The following SNRPN variants were observed in gnomAD, a reference collection of about 807,000 sequenced individuals.
SNRPN encodes the protein small nuclear ribonucleoprotein polypeptide N.
A neutral mutation model predicts 25.2 loss-of-function variants in SNRPN; 7 were observed. That is an observed-to-expected ratio of 0.28 (90% CI 0.16 to 0.52). The LOEUF is 0.52. Among genes scored for constraint, SNRPN ranks in the 20% least tolerant of loss-of-function variants. The pLI, the probability that SNRPN is intolerant of heterozygous loss-of-function variation, is 0.96. For synonymous variants in SNRPN, 124 were observed against 110.6 expected (o/e 1.12, Z -0.76); for missense variants, 196 against 322.5 (o/e 0.61, Z 3.00).
At chr15:24,926,888 A>G (rs910469718) in intron 3 of SNRPN, among the ~76,000 whole-genome samples, 2 of 151,900 alleles carry the variant, frequency 1.3e-5, no homozygotes, top group African/African-American at 4.8e-5. Context: ...TTGCATGCCT[A>G]TCGTCCCAGC....
intron 1 of SNRPN, among the ~76,000 whole-genome samples, chr15:24,857,528 A>G (rs1385712140): frequency 6.6e-6 from 1 of 151,940 alleles, no homozygotes; most frequent in Non-Finnish European, 1.5e-5. Context: ...TACAGTCCTT[A>G]TTGATTTTCT....
In SNRPN at chr15:24,962,179, G is replaced by A. The variant is rs755265989; in HGVS notation, c.-325G>A. On this transcript the variant is annotated 5_prime_UTR_variant, in exon 2 of 10. Transcript: ENST00000390687. ...CCAGAGGTGGAAGTCCAAGTCAAAC[G>A]CAGAAGGACTGCCTCACTGAGCAAC... is the stretch of plus-strand genomic sequence containing the variant. 2.5e-6 allele frequency: 4 copies of A among 1,614,000 alleles called. No individual in the cohort carries two copies. Among genetic ancestry groups the A allele is most frequent in the Admixed American group, 1.7e-5 (1 of 59,990 alleles).
Position 24,976,916 on chromosome 15 carries a change from G to A in SNRPN, c.307G>A (p.Gly103Ser). 6.2e-7 allele frequency: 1 copy of A among 1,607,702 alleles called. No homozygotes were observed. The highest frequency in any genetic ancestry group is 8.5e-7 in the Non-Finnish European group (1 of 1,178,174). Reference protein sequence around the residue: ...ARVPLAGAAGGPGVGRAAGRG... With the variant: ...ARVPLAGAAGSPGVGRAAGRG... ...GGTACCACTTGCTGGAGCTGCTGGAGGCCCTGGGGTTGGTAGGGCAGCTGG... is the reference window on the plus strand; with the variant it reads ...GGTACCACTTGCTGGAGCTGCTGGAAGCCCTGGGGTTGGTAGGGCAGCTGG... Residue 103 changes from glycine (G) to serine (S), a missense_variant, in exon 7 of 10, where the codon GGC becomes AGC. Coordinates refer to ENST00000390687, the MANE Select transcript of SNRPN (RefSeq NM_003097.6).
intron 3 of SNRPN, among the ~76,000 whole-genome samples, chr15:24,928,168 T>A (rs1242344196): frequency 6.6e-6 from 1 of 152,192 alleles, no homozygotes; most frequent in Admixed American, 6.5e-5. Flanking sequence ...GAAAACAGTA[T>A]GCAGAGTCCT....
chr15:24,908,602 AC>A (rs2059008107), intron 2 of SNRPN, among the ~76,000 whole-genome samples: 1 of 2,616 alleles, frequency 3.8e-4, no homozygotes, highest in Admixed American at 6.3e-3. Flanking sequence ...CCTGGAAAGA[AC>A]AGAACAAGGT....
intron 2 of SNRPN, among the ~76,000 whole-genome samples, chr15:24,843,336 T>G (rs1358454403): frequency 6.6e-6 from 1 of 152,226 alleles, no homozygotes; most frequent in Non-Finnish European, 1.5e-5. Context: ...GCTGAGATGC[T>G]GGATCATATA....
At chr15:24,826,977 C>A (rs2050131913) in intron 1 of SNRPN, among the ~76,000 whole-genome samples, 1 of 152,016 alleles carries the variant, frequency 6.6e-6, no homozygotes, top group Non-Finnish European at 1.5e-5. Flanking sequence ...CTTTACTGAA[C>A]TGTAAGCAAT....
chr15:24,942,058 A>C (rs1329311069), intron 3 of SNRPN, among the ~76,000 whole-genome samples: 1 of 152,124 alleles, frequency 6.6e-6, no homozygotes, highest in Non-Finnish European at 1.5e-5. Flanking sequence ...GATTACAGGC[A>C]TGAGCCACCG....
At chr15:24,880,792 G>A (rs1394457715) in intron 1 of SNRPN, among the ~76,000 whole-genome samples, 3 of 151,892 alleles carry the variant, frequency 2.0e-5, no homozygotes, top group South Asian at 2.1e-4. Flanking sequence ...TGTCCAGGCT[G>A]GAGTGGAATG....
intron 3 of SNRPN, among the ~76,000 whole-genome samples, chr15:24,946,736 T>G (rs1029231230): frequency 6.6e-6 from 1 of 152,218 alleles, no homozygotes; most frequent in Non-Finnish European, 1.5e-5. Flanking sequence ...CCCAAAATAT[T>G]GGGATTATAG....
intron 1 of SNRPN, among the ~76,000 whole-genome samples, chr15:24,883,387 T>G (rs1294784477): frequency 6.6e-6 from 1 of 152,194 alleles, no homozygotes; most frequent in Non-Finnish European, 1.5e-5. Context: ...CATCTGGCTG[T>G]CTGGGAGGAC....
chr15:24,829,082 A>C (rs1166675144), intron 1 of SNRPN, among the ~76,000 whole-genome samples: 1 of 152,164 alleles, frequency 6.6e-6, no homozygotes, highest in Non-Finnish European at 1.5e-5. Context: ...GAGGAGTTTG[A>C]GAGATTCATT....
At chr15:24,845,582 GA>G in intron 2 of SNRPN, among the ~76,000 whole-genome samples, 1 of 152,060 alleles carries the variant, frequency 6.6e-6, no homozygotes. Context: ...TGGGCGACAA[GA>G]GCAAAACTCC....
At chr15:24,930,077 G>A (rs187007985) in intron 3 of SNRPN, among the ~76,000 whole-genome samples, 43 of 151,960 alleles carry the variant, frequency 2.8e-4, no homozygotes, top group Admixed American at 1.9e-3. Flanking sequence ...GTGACAGGGC[G>A]AGCTTGCAGT....
chr15:24,852,410 T>A (rs149529876), upstream of SNRPN, among the ~76,000 whole-genome samples: 16 of 152,320 alleles, frequency 1.1e-4, no homozygotes, highest in African/African-American at 3.6e-4. Flanking sequence ...ACCTGCCAAA[T>A]CAGGTCTTCT....
chr15:24,881,602 AGAGAGAGAGAGAGAGAG>A (rs1249998422), intron 1 of SNRPN, among the ~76,000 whole-genome samples: 2,670 of 67,654 alleles, frequency 0.039, 68 homozygotes, highest in East Asian at 0.1. Flanking sequence ...AGAGAGAGAG[AGAGAGAGAGAGAGAGAG>A]AAAGTCACAG....
At chr15:24,873,744 G>A (rs2055500729) in intron 1 of SNRPN, among the ~76,000 whole-genome samples, 2 of 152,012 alleles carry the variant, frequency 1.3e-5, no homozygotes, top group African/African-American at 2.4e-5. Flanking sequence ...ACCGTGCCTG[G>A]CCAACTCTTC....
chr15:24,952,873 T>C (rs2062390604), upstream of SNRPN, among the ~76,000 whole-genome samples: 1 of 152,146 alleles, frequency 6.6e-6, no homozygotes, highest in South Asian at 2.1e-4. Context: ...ATTATAATGT[T>C]TGTGGCATGT....
intron 3 of SNRPN, among the ~76,000 whole-genome samples, chr15:24,943,082 T>G (rs1032156990): frequency 2.6e-5 from 4 of 151,986 alleles, no homozygotes; most frequent in African/African-American, 7.3e-5. Context: ...TCCATCTATC[T>G]CTTCCCAAGG....
Sources: gnomAD v4.1 joint callset for allele counts (sites outside exome capture counted in the v4.1 genomes callset) on GRCh38, gnomAD v4.1.1 for gene constraint, MANE v1.5 for transcripts, NCBI Gene and HGNC (gene_info 2026-07-23, HGNC 2026-07-21) for gene names.